The following LRRTM4 variants were observed in gnomAD, a reference collection of about 807,000 sequenced individuals.
The protein encoded by LRRTM4 is leucine-rich repeat transmembrane neuronal protein 4.
Under a neutral mutation model 47.6 loss-of-function variants are expected in LRRTM4, and 25 were observed. The observed-to-expected ratio is 0.53, with a 90% CI of 0.38 to 0.73. The LOEUF (loss-of-function observed/expected upper bound fraction) is 0.73. Among genes scored for constraint, LRRTM4 ranks in the 30% least tolerant of loss-of-function variants. The probability of loss-of-function intolerance (pLI) is 0.00; values close to 1 mark genes in which losing one functional copy is unlikely to be tolerated. For synonymous variants in LRRTM4, 311 were observed against 269.5 expected, an observed-to-expected ratio of 1.15 and a Z score of -1.51; for missense variants, 638 against 713.4, an observed-to-expected ratio of 0.89 and a Z score of 1.20.
intron 3 of LRRTM4, among the ~76,000 whole-genome samples, chr2:77,229,374 C>A (rs1674902047): frequency 6.6e-6 from 1 of 152,090 alleles, no homozygotes; most frequent in African/African-American, 2.4e-5. Flanking sequence ...TCTTAACTTT[C>A]TACGAGAGTC....
chr2:77,152,291 C>T (rs1198984657), intron 3 of LRRTM4, among the ~76,000 whole-genome samples: 2 of 152,106 alleles, frequency 1.3e-5, no homozygotes, highest in Non-Finnish European at 2.9e-5. Flanking sequence ...AGGTGCACTA[C>T]CCACTTGATG....
chr2:77,135,882 CA>C (rs1310524270), intron 3 of LRRTM4, among the ~76,000 whole-genome samples: 62 of 152,074 alleles, frequency 4.1e-4, no homozygotes, highest in African/African-American at 1.4e-3. Context: ...TAAATTTTTA[CA>C]TTTTTTTTAC....
intron 3 of LRRTM4, among the ~76,000 whole-genome samples, chr2:77,064,393 G>C (rs922040204): frequency 1.3e-5 from 2 of 152,274 alleles, no homozygotes; most frequent in Non-Finnish European, 2.9e-5. Flanking sequence ...GAAAGCTACA[G>C]AGGAAGCTAA....
intron 3 of LRRTM4, among the ~76,000 whole-genome samples, chr2:77,336,509 G>T (rs1212628278): frequency 6.6e-6 from 1 of 152,064 alleles, no homozygotes; most frequent in African/African-American, 2.4e-5. Flanking sequence ...ACACCAAAAA[G>T]ATAATTCACT....
chr2:77,292,930 GATCGC>G (rs1394755572), intron 3 of LRRTM4, among the ~76,000 whole-genome samples: 1 of 151,666 alleles, frequency 6.6e-6, no homozygotes, highest in Non-Finnish European at 1.5e-5. Flanking sequence ...ACCTAATTCA[GATCGC>G]ATGACTTTAA....
At chr2:77,177,351 T>C (rs1344829594) in intron 3 of LRRTM4, among the ~76,000 whole-genome samples, 3 of 152,234 alleles carry the variant, frequency 2.0e-5, no homozygotes, top group South Asian at 4.2e-4. Context: ...AGCAGATTAT[T>C]TTTCATGTCT....
intron 3 of LRRTM4, among the ~76,000 whole-genome samples, chr2:77,438,911 A>C (rs1675719878): frequency 6.6e-6 from 1 of 152,194 alleles, no homozygotes; most frequent in Non-Finnish European, 1.5e-5. Context: ...AAAGCATCAG[A>C]TATTAGACCT....
chr2:77,002,224 T>C (rs1245169562), intron 3 of LRRTM4, among the ~76,000 whole-genome samples: 2 of 152,098 alleles, frequency 1.3e-5, no homozygotes, highest in Non-Finnish European at 2.9e-5. Flanking sequence ...TTAGAGTTCA[T>C]TTGCTAGCCA....
intron 3 of LRRTM4, among the ~76,000 whole-genome samples, chr2:76,801,929 T>A (rs1319195726): frequency 1.3e-5 from 2 of 152,130 alleles, no homozygotes; most frequent in African/African-American, 4.8e-5. Flanking sequence ...CATCTTTTCA[T>A]GGTAAAGACT....
intron 3 of LRRTM4, among the ~76,000 whole-genome samples, chr2:77,129,592 T>A (rs1010107753): frequency 1.3e-5 from 2 of 152,170 alleles, no homozygotes; most frequent in African/African-American, 4.8e-5. Context: ...ATGCATCCCA[T>A]TTTCTAGTTT....
chr2:77,208,221 A>G (rs1674196026), intron 3 of LRRTM4, among the ~76,000 whole-genome samples: 1 of 152,080 alleles, frequency 6.6e-6, no homozygotes, highest in Non-Finnish European at 1.5e-5. Flanking sequence ...AGTGGGGAAG[A>G]CAAACAATTG....
chr2:76,884,972 G>A (rs1192244987), intron 3 of LRRTM4, among the ~76,000 whole-genome samples: 16 of 152,008 alleles, frequency 1.1e-4, no homozygotes, highest in Admixed American at 1.0e-3. Context: ...CTTGCAATAT[G>A]ATGGTAAGCA....
At chr2:77,385,526 G>A (rs1383788954) in intron 3 of LRRTM4, among the ~76,000 whole-genome samples, 9 of 152,038 alleles carry the variant, frequency 5.9e-5, no homozygotes, top group African/African-American at 2.2e-4. Flanking sequence ...GCACTGATGA[G>A]GTTTAAAATA....
chr2:76,907,224 A>C (rs1673874972), intron 3 of LRRTM4, among the ~76,000 whole-genome samples: 1 of 152,100 alleles, frequency 6.6e-6, no homozygotes, highest in African/African-American at 2.4e-5. Flanking sequence ...GAAACTGTAC[A>C]ACCTGCTCCT....
chr2:76,903,729 T>G (rs2103753779), intron 3 of LRRTM4, among the ~76,000 whole-genome samples: 1 of 152,252 alleles, frequency 6.6e-6, no homozygotes, highest in South Asian at 2.1e-4. Flanking sequence ...ATAAAGCACT[T>G]TTATTACAAA....
intron 3 of LRRTM4, among the ~76,000 whole-genome samples, chr2:76,787,867 CT>C (rs1411334472): frequency 6.6e-6 from 1 of 152,086 alleles, no homozygotes; most frequent in African/African-American, 2.4e-5. Flanking sequence ...ATTTGTGCTC[CT>C]TTGACTTCTC....
intron 3 of LRRTM4, among the ~76,000 whole-genome samples, chr2:76,785,957 A>G (rs879852322): frequency 9.9e-5 from 15 of 152,180 alleles, no homozygotes; most frequent in Admixed American, 2.0e-4. Context: ...AAGGTAATCA[A>G]TTGCACTTGA....
At chr2:77,228,149 G>A (rs1486227447) in intron 3 of LRRTM4, among the ~76,000 whole-genome samples, 5 of 152,092 alleles carry the variant, frequency 3.3e-5, no homozygotes, top group Non-Finnish European at 2.9e-5. Context: ...GGATTCAAAT[G>A]TATTAAATGT....
At chr2:76,865,591 T>C (rs1236246383) in intron 3 of LRRTM4, among the ~76,000 whole-genome samples, 1 of 152,206 alleles carries the variant, frequency 6.6e-6, no homozygotes, top group Non-Finnish European at 1.5e-5. Flanking sequence ...TAAGTTCTCA[T>C]TGAACATATG....
Sources: allele counts gnomAD v4.1 joint callset (sites outside exome capture counted in the v4.1 genomes callset), GRCh38; gene constraint gnomAD v4.1.1; transcripts MANE v1.5; gene names NCBI Gene and HGNC (gene_info 2026-07-23, HGNC 2026-07-21).